The following ITSN2 variants were observed in gnomAD, a reference collection of about 807,000 sequenced individuals.
ITSN2 encodes intersectin 2.
Under a neutral mutation model 243.7 loss-of-function variants are expected in ITSN2, and 156 were observed. The ratio of observed to expected loss-of-function variants is 0.64; its 90% confidence interval spans 0.56 to 0.73. ITSN2 has a LOEUF of 0.73. Among genes scored for constraint, ITSN2 ranks in the 30% least tolerant of loss-of-function variants. ITSN2 has a pLI of 0.00. For synonymous variants in ITSN2, 703 were observed against 699.9 expected (o/e 1.00, Z -0.07); for missense variants, 1,801 against 1,996.1 (o/e 0.90, Z 1.86).
intron 1 of ITSN2, among the ~76,000 whole-genome samples, chr2:24,337,321 T>TATATATATACATATATATATAC (rs1553395918): frequency 7.4e-5 from 6 of 80,892 alleles, no homozygotes; most frequent in South Asian, 3.7e-4. Flanking sequence ...ACAAAATATA[T>TATATATATACATATATATATAC]ATATATATAT....
intron 4 of ITSN2, 121 bp downstream of exon 4, chr2:24,313,339 T>C: frequency 2.8e-6 from 2 of 721,308 alleles, no homozygotes; most frequent in Non-Finnish European, 4.5e-6. Flanking sequence ...ACTCCCAAAG[T>C]GCTGGCAGAA....
intron 11 of ITSN2, among the ~76,000 whole-genome samples, chr2:24,300,418 C>T (rs534674282): frequency 1.3e-5 from 2 of 152,196 alleles, no homozygotes; most frequent in East Asian, 3.9e-4. Context: ...ATAAACTTGC[C>T]AATAAAAATA....
intron 20 of ITSN2, among the ~76,000 whole-genome samples, chr2:24,268,445 A>G (rs950413629): frequency 1.3e-5 from 2 of 152,150 alleles, no homozygotes; most frequent in African/African-American, 4.8e-5. Flanking sequence ...CCAGCCTTCT[A>G]GCCTTTTCAA....
intron 17 of ITSN2, among the ~76,000 whole-genome samples, chr2:24,278,561 T>A (rs1678324409): frequency 6.6e-6 from 1 of 151,480 alleles, no homozygotes; most frequent in African/African-American, 2.4e-5. Context: ...GTTAAGTCAC[T>A]ACTTCCAGGA....
intron 16 of ITSN2, 50 bp downstream of exon 16, chr2:24,286,158 TAATG>T: frequency 9.6e-7 from 1 of 1,038,820 alleles, no homozygotes; most frequent in South Asian, 1.6e-5. Flanking sequence ...TAAATCAAAA[TAATG>T]AAGGTAAGAA....
chr2:24,336,241 CAA>C (rs756236002), intron 1 of ITSN2, among the ~76,000 whole-genome samples: 93 of 47,938 alleles, frequency 1.9e-3, no homozygotes, highest in Non-Finnish European at 2.8e-3. Flanking sequence ...GACTCTGTCT[CAA>C]AAAAAAAAAA....
At chr2:24,270,078 GA>G (rs1445374704) in intron 20 of ITSN2, among the ~76,000 whole-genome samples, 1 of 152,182 alleles carries the variant, frequency 6.6e-6, no homozygotes, top group Non-Finnish European at 1.5e-5. Context: ...GGGAGCGGGG[GA>G]AAGAGGCACT....
chr2:24,258,890 C>G (rs370390184), intron 22 of ITSN2, among the ~76,000 whole-genome samples: 8 of 152,328 alleles, frequency 5.3e-5, no homozygotes, highest in African/African-American at 1.7e-4. Context: ...TAACATCAAG[C>G]CTTGTAGTTC....
chr2:24,353,936 G>A (rs1019347291), intron 1 of ITSN2, among the ~76,000 whole-genome samples: 1 of 152,146 alleles, frequency 6.6e-6, no homozygotes, highest in Non-Finnish European at 1.5e-5. Flanking sequence ...CATATGATAT[G>A]TGAATTAAAT....
At chr2:24,331,692 C>A (rs977085804) in intron 1 of ITSN2, among the ~76,000 whole-genome samples, 1 of 152,170 alleles carries the variant, frequency 6.6e-6, no homozygotes, top group Non-Finnish European at 1.5e-5. Context: ...CCTGACCCCC[C>A]AATCATTAGT....
chr2:24,245,771 C>A (rs1372744110), intron 29 of ITSN2, among the ~76,000 whole-genome samples: 2 of 152,050 alleles, frequency 1.3e-5, no homozygotes, highest in African/African-American at 4.8e-5. Context: ...TGGGCCATTG[C>A]GCCCAGCCAC....
chr2:24,346,439 G>A (rs994196269), intron 1 of ITSN2, among the ~76,000 whole-genome samples: 2 of 152,074 alleles, frequency 1.3e-5, no homozygotes, highest in African/African-American at 2.4e-5. Context: ...CAAAAACAAG[G>A]AAAGTCTAAG....
At chr2:24,344,909 G>A (rs1265774914) in intron 1 of ITSN2, among the ~76,000 whole-genome samples, 2 of 152,114 alleles carry the variant, frequency 1.3e-5, no homozygotes, top group East Asian at 1.9e-4. Context: ...CCCAGATTGC[G>A]CCAGTGCATT....
Position 24,246,169 on chromosome 2 carries a change from G to A in ITSN2, c.3537C>T (p.Asn1179=). The change falls in exon 29 of 40, where the codon AAC becomes AAT. Residue 1179 remains asparagine (N), a synonymous_variant. Transcript: ENST00000355123. ...CTGAGTCTGTCGTCATCTTAACGTA[G>A]TTTGAAGGAAAGAGACCAGTCACCC... ...INGVTGLFPS[N]YVKMTTDSDP... 2 of 1,613,320 alleles carry A rather than the reference G, an allele frequency of 1.2e-6. No homozygotes were observed. Among genetic ancestry groups the A allele is most frequent in the Non-Finnish European group, 1.7e-6 (2 of 1,179,496 alleles).
intron 5 of ITSN2, chr2:24,311,761 G>C (rs1683284735): frequency 1.2e-5 from 2 of 167,032 alleles, no homozygotes; most frequent in Non-Finnish European, 2.9e-5. Flanking sequence ...AAATTTAGCT[G>C]GCTAATTAAC....
intron 29 of ITSN2, chr2:24,239,466 C>T (rs1672503120): frequency 6.6e-6 from 1 of 152,086 alleles, no homozygotes; most frequent in South Asian, 2.1e-4. Flanking sequence ...TTTACATTCT[C>T]AAATTTTCTA....
At chr2:24,228,093 A>G (rs1382909344) in intron 29 of ITSN2, among the ~76,000 whole-genome samples, 2 of 152,178 alleles carry the variant, frequency 1.3e-5, no homozygotes, top group African/African-American at 4.8e-5. Flanking sequence ...ATGGCTTCTG[A>G]TTAGGAAAAA....
chr2:24,296,973 T>C (rs543841780), intron 13 of ITSN2, among the ~76,000 whole-genome samples: 1 of 152,190 alleles, frequency 6.6e-6, no homozygotes, highest in Non-Finnish European at 1.5e-5. Context: ...CTTCATGTGT[T>C]GCACCAGTTC....
intron 29 of ITSN2, among the ~76,000 whole-genome samples, chr2:24,232,555 T>C (rs993338888): frequency 3.3e-5 from 5 of 152,308 alleles, no homozygotes; most frequent in South Asian, 2.1e-4. Context: ...TAGACTATTA[T>C]AAAGAGATAT....
Sources: allele counts gnomAD v4.1 joint callset (sites outside exome capture counted in the v4.1 genomes callset), GRCh38; gene constraint gnomAD v4.1.1; transcripts MANE v1.5; gene names NCBI Gene and HGNC (gene_info 2026-07-23, HGNC 2026-07-21).